MYO18B: variants seen among roughly 807,000 people sequenced by gnomAD.
MYO18B encodes myosin XVIIIB, also known as unconventional myosin-XVIIIb.
Under a neutral mutation model 273.0 loss-of-function variants are expected in MYO18B, and 204 were observed. That is an observed-to-expected ratio of 0.75 (90% CI 0.67 to 0.84). The LOEUF (loss-of-function observed/expected upper bound fraction) is 0.84, where lower values mean the gene tolerates loss of function less well. MYO18B is among the 40% of genes least tolerant of loss of function. The pLI is 0.00. For synonymous variants in MYO18B, 1,330 were observed against 1,305.7 expected (o/e 1.02, Z -0.40); for missense variants, 3,212 against 3,287.6 (o/e 0.98, Z 0.56).
At position 25,835,283 on chromosome 22, in the gene MYO18B, G is replaced by T; in HGVS notation, c.3061-13G>T. On this transcript the variant is annotated splice_polypyrimidine_tract_variant and intron_variant, in intron 16 of 43. Coordinates refer to ENST00000335473, the MANE Select transcript of MYO18B (RefSeq NM_032608.7). ...TATCAGGGCCCTTCAGTGAATCCTG[G>T]TTCTCCCAGCAGGTCCGCTTACCAG... The T allele has an allele frequency of 6.2e-7, 1 of 1,612,210 alleles. No homozygotes were observed. The highest frequency in any genetic ancestry group is 8.5e-7 in the Non-Finnish European group (1 of 1,179,168).
At chr22:26,040,755 G>T in the MYO18B span, among the ~76,000 whole-genome samples, 15,231 of 152,172 alleles carry the variant, frequency 0.1, 890 homozygotes, top group Middle Eastern at 0.17. Context: ...CATGAGTGGC[G>T]GGTTTGAGCA....
chr22:25,816,672 A>G (rs981378363), intron 12 of MYO18B, among the ~76,000 whole-genome samples: 4 of 152,168 alleles, frequency 2.6e-5, no homozygotes, highest in African/African-American at 4.8e-5. Flanking sequence ...CATGGAGTGA[A>G]TTCTGTTCGT....
intron 37 of MYO18B, 23 bp from the exon 38 acceptor site, chr22:25,952,263 A>T: frequency 6.2e-7 from 1 of 1,604,458 alleles, no homozygotes; most frequent in Non-Finnish European, 8.5e-7. Context: ...CAGATGTCCA[A>T]TAGACTTCTC....
chr22:25,800,356 C>T (rs1474882797), intron 12 of MYO18B, among the ~76,000 whole-genome samples: 2 of 152,198 alleles, frequency 1.3e-5, no homozygotes, highest in East Asian at 1.9e-4. Context: ...CCATGCTCAG[C>T]GCTTGGCTGT....
At chr22:25,978,548 A>G (rs1171929600) in intron 39 of MYO18B, among the ~76,000 whole-genome samples, 2 of 152,192 alleles carry the variant, frequency 1.3e-5, no homozygotes, top group Non-Finnish European at 2.9e-5. Flanking sequence ...GACACTGAAG[A>G]CTTTTCAGCA....
At chr22:25,779,655 A>T (rs2087053989) in intron 8 of MYO18B, among the ~76,000 whole-genome samples, 1 of 152,126 alleles carries the variant, frequency 6.6e-6, no homozygotes, top group South Asian at 2.1e-4. Flanking sequence ...TAGTGGGGAG[A>T]TTATAGGATT....
chr22:26,043,714 G>C, the MYO18B span, among the ~76,000 whole-genome samples: 1 of 151,692 alleles, frequency 6.6e-6, no homozygotes, highest in Non-Finnish European at 1.5e-5. Context: ...TGGGGTTTCA[G>C]CATGTTGGCC....
downstream of MYO18B, among the ~76,000 whole-genome samples, chr22:26,032,525 T>G (rs1008409932): frequency 3.3e-5 from 5 of 150,578 alleles, no homozygotes; most frequent in Non-Finnish European, 4.4e-5. Context: ...CTGTTTTTTT[T>G]TTTTTTTTTT....
At chr22:25,903,192 C>T (rs2091973094) in intron 30 of MYO18B, 3 of 197,236 alleles carry the variant, frequency 1.5e-5, no homozygotes, top group South Asian at 2.0e-4. Context: ...AACTCCTTCA[C>T]GATCTGGCCC....
chr22:25,823,440 T>C (rs1263727352), intron 12 of MYO18B, 65 bp from the exon 13 acceptor site: 4 of 1,524,784 alleles, frequency 2.6e-6, no homozygotes, highest in Non-Finnish European at 2.7e-6. Flanking sequence ...CGAGGTCCTC[T>C]CGGGTGTTCA....
intron 6 of MYO18B, 143 bp downstream of exon 6, chr22:25,771,127 T>C: frequency 1.5e-6 from 1 of 646,756 alleles, no homozygotes; most frequent in Admixed American, 2.6e-5. Flanking sequence ...CTGGAGGGAG[T>C]TATAGTGAAG....
At position 25,990,700 on chromosome 22, in the gene MYO18B, AAAAAAAAAAAAAAAAAAAAAGAAAAAG is replaced by A. The variant is rs1198569713; in HGVS notation, c.6157-1651_6157-1625del. Among the ~76,000 whole-genome samples, 40 of 78,204 alleles carry A rather than the reference AAAAAAAAAAAAAAAAAAAAAGAAAAAG, an allele frequency of 5.1e-4. 3 individuals carry two copies. The highest frequency in any genetic ancestry group is 4.2e-3 in the Middle Eastern group (1 of 236). The allele number at this position is 78,204 out of a possible 152,430, so 51.3% of individuals were successfully genotyped here. A position where few individuals can be genotyped will look rare whatever the true frequency, so the allele number is the denominator to read the frequency against. On this transcript the variant is annotated intron_variant, in intron 39 of 43. Coordinates refer to ENST00000335473, the MANE Select transcript of MYO18B (RefSeq NM_032608.7). ...AGACTTTGTCTCAAAAAAAAAAAAA[AAAAAAAAAAAAAAAAAAAAAGAAAAAG>A]AAAAAAAAAAAGACTCCAGGCTAAG...
intron 21 of MYO18B, among the ~76,000 whole-genome samples, chr22:25,855,505 G>A (rs1601364675): frequency 2.0e-5 from 3 of 152,134 alleles, no homozygotes; most frequent in South Asian, 2.1e-4. Context: ...GGATGATCTC[G>A]ATCTGACCTC....
At chr22:26,002,748 T>A (rs929075177) in intron 40 of MYO18B, among the ~76,000 whole-genome samples, 1 of 151,852 alleles carries the variant, frequency 6.6e-6, no homozygotes, top group African/African-American at 2.4e-5. Flanking sequence ...ACACATGGGG[T>A]AGGTAGATGA....
At position 26,012,354 on chromosome 22, in the gene MYO18B, A is replaced by G. The variant is rs574614324; in HGVS notation, c.6470+7499A>G. On this transcript the variant is annotated intron_variant, in intron 42 of 43. Transcript: ENST00000335473. ...AGTACATTTATTTACTGGTCTCGGC[A>G]TTCTTAGAAATGGAGCTCAGGATAA... Among the ~76,000 whole-genome samples the G allele has an allele frequency of 2.6e-5, 4 of 152,342 alleles. No individual in the cohort carries two copies. The East Asian group carries it at 7.7e-4, about 29-fold the overall frequency.
intron 17 of MYO18B, among the ~76,000 whole-genome samples, chr22:25,840,222 C>T (rs1432186228): frequency 1.3e-5 from 2 of 152,356 alleles, no homozygotes; most frequent in East Asian, 3.9e-4. Flanking sequence ...ATAACAAGGC[C>T]ATATGTGCAT....
intron 15 of MYO18B, among the ~76,000 whole-genome samples, chr22:25,829,897 G>A (rs1260646351): frequency 6.6e-6 from 1 of 151,828 alleles, no homozygotes; most frequent in Non-Finnish European, 1.5e-5. Context: ...AAAGAAAAGT[G>A]CATAAACCAG....
rs562444767 is a variant in MYO18B at position 25,999,701 on chromosome 22, G to A, written c.6288-3564G>A. 3.8e-3 allele frequency among the ~76,000 whole-genome samples: 550 copies of A among 143,916 alleles called. 1 individual carries two copies. The highest frequency in any genetic ancestry group is 0.014 in the African/African-American group (524 of 37,782). The allele number at this position is 143,916 out of a possible 152,430, so 94.4% of individuals were successfully genotyped here. A position where few individuals can be genotyped will look rare whatever the true frequency, so the allele number is the denominator to read the frequency against. ...CTTCTCCTCTCACTCTGTCACCCAG[G>A]CTGGAGTGCAATGGCATGATCTTGG... On this transcript the variant is annotated intron_variant, in intron 40 of 43. Coordinates refer to ENST00000335473, the MANE Select transcript of MYO18B (RefSeq NM_032608.7).
At chr22:26,047,435 A>G in the MYO18B span, among the ~76,000 whole-genome samples, 2 of 152,132 alleles carry the variant, frequency 1.3e-5, no homozygotes, top group African/African-American at 4.8e-5. Flanking sequence ...CAGTTGGCCC[A>G]TTTTTATTGT....
Sources: allele counts gnomAD v4.1 joint callset (sites outside exome capture counted in the v4.1 genomes callset), GRCh38; gene constraint gnomAD v4.1.1; transcripts MANE v1.5; gene names NCBI Gene and HGNC (gene_info 2026-07-23, HGNC 2026-07-21).